Variants in DUSP13B observed in about 807,000 individuals in gnomAD.
DUSP13B encodes the protein dual specificity protein phosphatase 13B.
chr10:75,094,778 G>C, the DUSP13B span: 1 of 1,614,120 alleles, frequency 6.2e-7, no homozygotes, highest in South Asian at 1.1e-5. Flanking sequence ...GCACCGTCTG[G>C]ATGGCCTCTA....
At chr10:75,107,949 T>C in the DUSP13B span, 2 of 1,568,526 alleles carry the variant, frequency 1.3e-6, no homozygotes, top group South Asian at 1.2e-5. Context: ...ATCCTCCCCA[T>C]GAATGAGCAA....
chr10:75,099,065 C>T, the DUSP13B span: 1 of 1,232,464 alleles, frequency 8.1e-7, no homozygotes, highest in Non-Finnish European at 1.0e-6. Flanking sequence ...ATGTCAGGCC[C>T]CACCCGGGTC....
At chr10:75,107,883 G>C in the DUSP13B span, 1 of 1,319,842 alleles carries the variant, frequency 7.6e-7, no homozygotes, top group Non-Finnish European at 1.0e-6. Context: ...GGCCTAAGCA[G>C]AGGATTTTTA....
At chr10:75,095,112 C>T in the DUSP13B span, among the ~76,000 whole-genome samples, 2 of 152,200 alleles carry the variant, frequency 1.3e-5, no homozygotes, top group Non-Finnish European at 2.9e-5. Flanking sequence ...CCAGGTGCTT[C>T]CTCAGGCATC....
At chr10:75,099,627 G>T in the DUSP13B span, 1 of 1,065,944 alleles carries the variant, frequency 9.4e-7, no homozygotes, top group Non-Finnish European at 1.2e-6. Context: ...GGGCCCTCCG[G>T]TCCCTCTAAA....
chr10:75,094,876 G>A, the DUSP13B span: 171 of 1,613,664 alleles, frequency 1.1e-4, no homozygotes, highest in Non-Finnish European at 1.3e-4. Flanking sequence ...ACCAGCACGC[G>A]GCCTGTAGGG....
chr10:75,101,236 A>G, the DUSP13B span, among the ~76,000 whole-genome samples: 6 of 152,176 alleles, frequency 3.9e-5, no homozygotes, highest in Non-Finnish European at 8.8e-5. Context: ...TGTCTTCACC[A>G]AGCCAGTTTC....
At chr10:75,101,164 G>A in the DUSP13B span, among the ~76,000 whole-genome samples, 1 of 152,206 alleles carries the variant, frequency 6.6e-6, no homozygotes, top group South Asian at 2.1e-4. Context: ...TCAGCCTGAG[G>A]GTCTTGGGGA....
At chr10:75,104,162 T>A in the DUSP13B span, 1 of 1,199,496 alleles carries the variant, frequency 8.3e-7, no homozygotes. Flanking sequence ...CTGGGACTTG[T>A]TGGGGCAGGG....
the DUSP13B span, among the ~76,000 whole-genome samples, chr10:75,103,566 T>C: frequency 1.3e-5 from 2 of 152,212 alleles, no homozygotes; most frequent in African/African-American, 4.8e-5. Context: ...ACTAGAAATC[T>C]TCTCTGTCAT....
At chr10:75,105,253 T>C in the DUSP13B span, among the ~76,000 whole-genome samples, 1 of 152,198 alleles carries the variant, frequency 6.6e-6, no homozygotes, top group African/African-American at 2.4e-5. Context: ...GCTGTGCAGA[T>C]GCCTCAGTGA....
the DUSP13B span, among the ~76,000 whole-genome samples, chr10:75,105,319 A>G: frequency 1.3e-5 from 2 of 152,086 alleles, no homozygotes; most frequent in East Asian, 3.9e-4. Context: ...TGGCCCCAAG[A>G]CCAGGTAGGA....
chr10:75,094,792 G>A, the DUSP13B span: 2 of 1,614,182 alleles, frequency 1.2e-6, no homozygotes, highest in South Asian at 1.1e-5. Flanking sequence ...GCCTCTACCA[G>A]CGTCATGTTC....
the DUSP13B span, among the ~76,000 whole-genome samples, chr10:75,102,678 C>T: frequency 3.3e-5 from 5 of 152,046 alleles, no homozygotes; most frequent in South Asian, 2.1e-4. Flanking sequence ...TTGGGCTGGT[C>T]GCGGTGGCTC....
the DUSP13B span, chr10:75,097,832 A>T: frequency 6.2e-7 from 1 of 1,613,578 alleles, no homozygotes; most frequent in Non-Finnish European, 8.5e-7. Flanking sequence ...AGATGCCTGG[A>T]CTGCCCCATG....
the DUSP13B span, among the ~76,000 whole-genome samples, chr10:75,098,222 T>C: frequency 2.0e-5 from 3 of 152,190 alleles, no homozygotes; most frequent in South Asian, 4.1e-4. Flanking sequence ...CTAAATCAGC[T>C]TGGACTTTGT....
the DUSP13B span, chr10:75,099,574 G>T: frequency 0.017 from 21,305 of 1,231,290 alleles, 237 homozygotes; most frequent in Middle Eastern, 0.052. Flanking sequence ...GCGCCCATGG[G>T]GGGTGGGGCC....
At chr10:75,105,612 C>T in the DUSP13B span, 4 of 1,493,974 alleles carry the variant, frequency 2.7e-6, no homozygotes, top group East Asian at 9.9e-5. Flanking sequence ...AGGCCCTCAC[C>T]TGGCCTCTTC....
the DUSP13B span, chr10:75,101,982 A>C: frequency 7.3e-7 from 1 of 1,364,584 alleles, no homozygotes; most frequent in South Asian, 1.1e-5. Context: ...ATTTGAGTTT[A>C]ATTATAAAGC....
Sources: allele counts gnomAD v4.1 joint callset (sites outside exome capture counted in the v4.1 genomes callset), GRCh38; gene constraint gnomAD v4.1.1; transcripts MANE v1.5; gene names NCBI Gene and HGNC (gene_info 2026-07-23, HGNC 2026-07-21).